TTLL5: variants seen among roughly 807,000 people sequenced by gnomAD.
TTLL5 encodes the protein tubulin tyrosine ligase like 5.
Under a neutral mutation model 168.4 loss-of-function variants are expected in TTLL5, and 132 were observed. The observed-to-expected ratio is 0.78, with a 90% CI of 0.68 to 0.91. TTLL5 has a LOEUF of 0.91. Ranked by LOEUF, TTLL5 falls within the 40% of genes least tolerant of loss-of-function variation. TTLL5 has a pLI of 0.00. For missense variants in TTLL5, 1,545 were observed against 1,581.5 expected (o/e 0.98, Z 0.39); for synonymous variants, 546 against 558.6 (o/e 0.98, Z 0.32).
At chr14:75,751,881 A>T (rs1336049227) in intron 17 of TTLL5, among the ~76,000 whole-genome samples, 1 of 152,244 alleles carries the variant, frequency 6.6e-6, no homozygotes, top group Non-Finnish European at 1.5e-5. Flanking sequence ...GCTGCTCCAT[A>T]GGCAGAGCAG....
At chr14:75,827,309 G>A (rs902225675) in intron 28 of TTLL5, among the ~76,000 whole-genome samples, 2 of 152,164 alleles carry the variant, frequency 1.3e-5, no homozygotes, top group Non-Finnish European at 2.9e-5. Context: ...GCAGTAATAT[G>A]TAATCACAAT....
At chr14:75,943,155 G>A (rs1402007954) in intron 31 of TTLL5, among the ~76,000 whole-genome samples, 1 of 152,168 alleles carries the variant, frequency 6.6e-6, no homozygotes, top group African/African-American at 2.4e-5. Flanking sequence ...GAAAAATGCA[G>A]TAACATCGTT....
chr14:75,744,960 T>C, intron 15 of TTLL5, 135 bp from the exon 16 acceptor site: 2 of 706,346 alleles, frequency 2.8e-6, no homozygotes, highest in South Asian at 2.1e-5. Context: ...TGAGATTAAT[T>C]ACAGAAAGTG....
At chr14:75,706,077 T>G (rs969327040) in intron 7 of TTLL5, among the ~76,000 whole-genome samples, 2 of 152,198 alleles carry the variant, frequency 1.3e-5, no homozygotes, top group African/African-American at 2.4e-5. Flanking sequence ...CCCTCCTTTC[T>G]ACTGGGCTTG....
At chr14:75,735,113 G>A in intron 14 of TTLL5, 82 bp from the exon 15 acceptor site, 1 of 1,264,408 alleles carries the variant, frequency 7.9e-7, no homozygotes, top group African/African-American at 1.5e-5. Context: ...AACTGAGTTT[G>A]TGTATCTAAA....
chr14:75,833,221 C>T (rs954091734), intron 28 of TTLL5, among the ~76,000 whole-genome samples: 3 of 152,154 alleles, frequency 2.0e-5, no homozygotes, highest in African/African-American at 7.2e-5. Context: ...CATTTTCTTT[C>T]GTTCTCTGAG....
chr14:75,672,740 T>G lies in TTLL5; in HGVS notation c.181+3218T>G, dbSNP rs369177986. On this transcript the variant is annotated intron_variant, in intron 3 of 31. Coordinates refer to ENST00000298832, the MANE Select transcript of TTLL5 (RefSeq NM_015072.5). ...CTTGAGTCAGTTTTGGTAGTTTATG[T>G]GTTTCTAGGTATTTGTCCATTTTAT... 3.3e-5 allele frequency among the ~76,000 whole-genome samples: 5 copies of G among 152,190 alleles called. No individual in the cohort carries two copies. The East Asian group carries it at 9.6e-4, about 29-fold the overall frequency.
At chr14:75,662,605 C>G (rs983197116) in intron 1 of TTLL5, among the ~76,000 whole-genome samples, 1 of 151,378 alleles carries the variant, frequency 6.6e-6, no homozygotes, top group Non-Finnish European at 1.5e-5. Flanking sequence ...TCCCAAAGTA[C>G]TGGGATTACA....
chr14:75,925,261 G>T (rs1365642642), intron 31 of TTLL5, among the ~76,000 whole-genome samples: 2 of 151,434 alleles, frequency 1.3e-5, no homozygotes, highest in African/African-American at 4.9e-5. Context: ...CCCGGACGGG[G>T]TGGCTGCCGG....
intron 28 of TTLL5, among the ~76,000 whole-genome samples, chr14:75,860,311 T>C (rs969025754): frequency 6.6e-6 from 1 of 152,234 alleles, no homozygotes; most frequent in Admixed American, 6.5e-5. Context: ...TTTCAGACTT[T>C]GATTTCTGAT....
At chr14:75,848,002 C>G (rs1303969256) in intron 28 of TTLL5, among the ~76,000 whole-genome samples, 1 of 147,766 alleles carries the variant, frequency 6.8e-6, no homozygotes, top group African/African-American at 2.5e-5. Flanking sequence ...TGTGATTTCT[C>G]TGGTATTTTC....
At chr14:75,928,605 C>CT (rs546105650) in intron 31 of TTLL5, among the ~76,000 whole-genome samples, 27 of 151,704 alleles carry the variant, frequency 1.8e-4, no homozygotes, top group African/African-American at 6.3e-4. Flanking sequence ...GCTTATTACA[C>CT]TAAAAAAAAG....
At chr14:75,846,507 C>T (rs1419818299) in intron 28 of TTLL5, among the ~76,000 whole-genome samples, 1 of 152,092 alleles carries the variant, frequency 6.6e-6, no homozygotes, top group Non-Finnish European at 1.5e-5. Context: ...AAAAGAGATA[C>T]TGGCCGGGTG....
intron 30 of TTLL5, 51 bp from the exon 31 acceptor site, chr14:75,902,091 C>T: frequency 6.5e-7 from 1 of 1,545,130 alleles, no homozygotes; most frequent in Non-Finnish European, 8.9e-7. Flanking sequence ...GGTCCTGCAC[C>T]TGACCTCACC....
chr14:75,696,176 G>A (rs989588020), intron 6 of TTLL5, among the ~76,000 whole-genome samples: 1 of 152,004 alleles, frequency 6.6e-6, no homozygotes, highest in Non-Finnish European at 1.5e-5. Flanking sequence ...AGGTGTGAGT[G>A]AGCCTATTAA....
chr14:75,675,130 C>T (rs1171558765), intron 3 of TTLL5, among the ~76,000 whole-genome samples: 2 of 152,050 alleles, frequency 1.3e-5, no homozygotes, highest in Non-Finnish European at 2.9e-5. Context: ...AGTATTCATT[C>T]TTAAATTTAA....
chr14:75,765,522 T>C (rs1890916527), intron 19 of TTLL5, among the ~76,000 whole-genome samples: 1 of 152,126 alleles, frequency 6.6e-6, no homozygotes, highest in Admixed American at 6.6e-5. Context: ...GATGAGAGTA[T>C]GATGAAAAAT....
intron 30 of TTLL5, among the ~76,000 whole-genome samples, chr14:75,883,918 G>C (rs769203721): frequency 3.3e-5 from 5 of 152,164 alleles, no homozygotes; most frequent in Admixed American, 6.5e-5. Flanking sequence ...AAATAGTGGA[G>C]TCAAATCCTT....
At chr14:75,707,406 G>A (rs371007102) in intron 8 of TTLL5, among the ~76,000 whole-genome samples, 4 of 151,470 alleles carry the variant, frequency 2.6e-5, no homozygotes, top group African/African-American at 4.9e-5. Flanking sequence ...TACATTATAC[G>A]GTTTTTATTA....
Sources: allele counts gnomAD v4.1 joint callset (sites outside exome capture counted in the v4.1 genomes callset), GRCh38; gene constraint gnomAD v4.1.1; transcripts MANE v1.5; gene names NCBI Gene and HGNC (gene_info 2026-07-23, HGNC 2026-07-21).